KIF13B: variants seen among roughly 807,000 people sequenced by gnomAD.
The protein encoded by KIF13B is kinesin-like protein KIF13B.
A neutral mutation model predicts 222.0 loss-of-function variants in KIF13B; 127 were observed. That is an observed-to-expected ratio of 0.57 (90% CI 0.50 to 0.66). KIF13B has a LOEUF of 0.66. KIF13B is among the 30% of genes least tolerant of loss of function. The probability of loss-of-function intolerance (pLI) is 0.00; values close to 1 mark genes in which losing one functional copy is unlikely to be tolerated. For synonymous variants in KIF13B, 976 were observed against 919.0 expected (o/e 1.06, Z -1.12); for missense variants, 2,173 against 2,379.0 (o/e 0.91, Z 1.80).
intron 37 of KIF13B, among the ~76,000 whole-genome samples, chr8:29,077,834 T>A (rs1807632266): frequency 6.6e-6 from 1 of 152,154 alleles, no homozygotes; most frequent in African/African-American, 2.4e-5. Flanking sequence ...CTGCACCAGG[T>A]CCTACCATGC....
intron 2 of KIF13B, among the ~76,000 whole-genome samples, chr8:29,216,386 C>T (rs528877012): frequency 6.6e-6 from 1 of 152,246 alleles, no homozygotes; most frequent in African/African-American, 2.4e-5. Flanking sequence ...CACTTGAGGT[C>T]AGGAGTTCAA....
chr8:29,149,191 A>G (rs7002710), intron 15 of KIF13B, among the ~76,000 whole-genome samples: 53,552 of 152,054 alleles, frequency 0.35, 10,152 homozygotes, highest in Non-Finnish European at 0.44. Flanking sequence ...AAATTTGTAT[A>G]GCACACTAGA....
intron 24 of KIF13B, among the ~76,000 whole-genome samples, chr8:29,130,302 A>C (rs961364383): frequency 6.6e-6 from 1 of 152,226 alleles, no homozygotes; most frequent in Non-Finnish European, 1.5e-5. Flanking sequence ...GCTTGAGCCT[A>C]GGAGTTCAAG....
At chr8:29,187,061 A>G (rs1812967883) in intron 5 of KIF13B, among the ~76,000 whole-genome samples, 1 of 152,090 alleles carries the variant, frequency 6.6e-6, no homozygotes, top group African/African-American at 2.4e-5. Flanking sequence ...TGAGGTCTAA[A>G]AGTTTTCCGA....
intron 1 of KIF13B, among the ~76,000 whole-genome samples, chr8:29,262,139 T>C (rs907458402): frequency 6.6e-6 from 1 of 152,188 alleles, no homozygotes; most frequent in Admixed American, 6.5e-5. Flanking sequence ...GTCATGCTGC[T>C]TTGACTATCA....
At chr8:29,177,901 C>A (rs1257381279) in intron 8 of KIF13B, among the ~76,000 whole-genome samples, 1 of 152,084 alleles carries the variant, frequency 6.6e-6, no homozygotes, top group Admixed American at 6.5e-5. Flanking sequence ...ACAGTGAGAC[C>A]CTGTCTCTTA....
intron 21 of KIF13B, 23 bp downstream of exon 21, chr8:29,140,040 A>G (rs1482916773): frequency 6.4e-7 from 1 of 1,554,164 alleles, no homozygotes; most frequent in Middle Eastern, 1.7e-4. Flanking sequence ...TCAACGTAAT[A>G]CTAGGATGAA....
chr8:29,252,877 A>G (rs1461586925), intron 1 of KIF13B, among the ~76,000 whole-genome samples: 2 of 152,238 alleles, frequency 1.3e-5, no homozygotes, highest in Non-Finnish European at 2.9e-5. Context: ...GTGATACCAT[A>G]TAAGTAAAAA....
chr8:29,201,570 T>C (rs190760602), intron 2 of KIF13B, among the ~76,000 whole-genome samples: 1 of 152,322 alleles, frequency 6.6e-6, no homozygotes, highest in East Asian at 1.9e-4. Flanking sequence ...AGGAAAGTTA[T>C]AGATCATTTA....
intron 2 of KIF13B, among the ~76,000 whole-genome samples, chr8:29,229,246 G>C (rs543834977): frequency 3.9e-5 from 6 of 152,254 alleles, no homozygotes; most frequent in Admixed American, 3.9e-4. Context: ...CAAATGTTTA[G>C]AGAAGAAACT....
intron 37 of KIF13B, among the ~76,000 whole-genome samples, chr8:29,086,847 A>T (rs964612919): frequency 7.9e-5 from 12 of 152,204 alleles, no homozygotes; most frequent in African/African-American, 2.9e-4. Flanking sequence ...AATATCTGAT[A>T]CTGCTTATTT....
chr8:29,067,597 A>T lies in KIF13B; in HGVS notation c.*2907T>A, dbSNP rs917899493. On this transcript the variant is annotated 3_prime_UTR_variant, in exon 40 of 40. Coordinates refer to ENST00000524189, the MANE Select transcript of KIF13B (RefSeq NM_015254.4). ...GGAAGGCACCACGGACTTTGTGGAG[A>T]GAAAGATGCTTTGGGGGTTCAATGG... The T allele has an allele frequency of 2.0e-5, 3 of 152,274 alleles. No individual in the cohort carries two copies. Among genetic ancestry groups the T allele is most frequent in the African/African-American group, 7.2e-5 (3 of 41,436 alleles). The allele number at this position is 152,274 out of a possible 1,614,324, so 9.4% of individuals were successfully genotyped here.
chr8:29,084,905 T>G (rs1362444466), intron 37 of KIF13B, among the ~76,000 whole-genome samples: 1 of 152,174 alleles, frequency 6.6e-6, no homozygotes, highest in East Asian at 1.9e-4. Flanking sequence ...AGACAGCAAT[T>G]TTGTCAGCTG....
rs1156872167 is a variant in KIF13B at position 29,126,424 on chromosome 8, T to G, written c.3252+58A>C. The G allele has an allele frequency of 2.8e-6, 3 of 1,085,758 alleles. No individual in the cohort carries two copies. In the African/African-American group the frequency reaches 4.7e-5, roughly 17 times the overall value. 67.3% of individuals were successfully genotyped at this position (1,085,758 alleles called of 1,614,324 possible). On this transcript the variant is annotated intron_variant, in intron 26 of 39. Transcript: ENST00000524189. ...AACAGTATAGCCAGATCCAGGAATG[T>G]GTAATTATATACTTTAATCATGCTT...
chr8:29,259,361 C>T (rs181887029), intron 1 of KIF13B, among the ~76,000 whole-genome samples: 20 of 152,322 alleles, frequency 1.3e-4, no homozygotes, highest in Admixed American at 1.2e-3. Flanking sequence ...CTGAAATAAT[C>T]TATTTCACTG....
At chr8:29,131,133 C>G (rs539170799) in intron 23 of KIF13B, among the ~76,000 whole-genome samples, 1 of 152,150 alleles carries the variant, frequency 6.6e-6, no homozygotes, top group African/African-American at 2.4e-5. Flanking sequence ...TATTCACAGA[C>G]AAAAAGATAG....
At chr8:29,147,287 C>A (rs1178990981) in intron 17 of KIF13B, 105 bp downstream of exon 17, 7 of 826,004 alleles carry the variant, frequency 8.5e-6, no homozygotes, top group Non-Finnish European at 1.3e-5. Flanking sequence ...TAACATAATT[C>A]TTTTGTAAGC....
chr8:29,075,498 A>G (rs1044175549), intron 37 of KIF13B, among the ~76,000 whole-genome samples, 155 bp from the exon 38 acceptor site: 2 of 152,236 alleles, frequency 1.3e-5, no homozygotes, highest in African/African-American at 4.8e-5. Context: ...CCAAGGAACA[A>G]GGGACCCAGC....
intron 2 of KIF13B, among the ~76,000 whole-genome samples, chr8:29,224,651 G>A (rs1814935050): frequency 6.6e-6 from 1 of 150,484 alleles, no homozygotes; most frequent in African/African-American, 2.5e-5. Flanking sequence ...TTCCCCATCC[G>A]TGTTTATAGA....
Sources: gnomAD v4.1 joint callset for allele counts (sites outside exome capture counted in the v4.1 genomes callset) on GRCh38, gnomAD v4.1.1 for gene constraint, MANE v1.5 for transcripts, NCBI Gene and HGNC (gene_info 2026-07-23, HGNC 2026-07-21) for gene names.